The following ATF2 variants were observed in gnomAD, a reference collection of about 807,000 sequenced individuals.
The protein encoded by ATF2 is activating transcription factor 2.
ATF2 carries 24 observed loss-of-function variants against 60.6 expected under a neutral mutation model. The ratio of observed to expected loss-of-function variants is 0.40; its 90% CI spans 0.29 to 0.56. The LOEUF is 0.56. Among genes scored for constraint, ATF2 ranks in the 20% least tolerant of loss-of-function variants. The pLI is 0.54. For synonymous variants in ATF2, 206 were observed against 215.4 expected, an observed-to-expected ratio of 0.96 and a Z score of 0.38; for missense variants, 433 against 607.7, an observed-to-expected ratio of 0.71 and a Z score of 3.02.
At chr2:175,137,488 T>C (rs1365344327) in intron 2 of ATF2, among the ~76,000 whole-genome samples, 3 of 152,182 alleles carry the variant, frequency 2.0e-5, no homozygotes, top group Non-Finnish European at 2.9e-5. Flanking sequence ...TAGCTCAGTT[T>C]AGTACAAGGA....
In ATF2 at chr2:175,072,685, A is replaced by G. The variant is rs778495459; in HGVS notation, c.*1924T>C. The G allele has an allele frequency of 1.3e-5, 2 of 152,162 alleles. No homozygotes were observed. Among genetic ancestry groups the G allele is most frequent in the Non-Finnish European group, 2.9e-5 (2 of 67,996 alleles). The allele number at this position is 152,162 out of a possible 1,614,324, so 9.4% of individuals were successfully genotyped here. A position where few individuals can be genotyped will look rare whatever the true frequency, so the allele number is the denominator to read the frequency against. On this transcript the variant is annotated 3_prime_UTR_variant, in exon 14 of 14. Coordinates refer to ENST00000264110, the MANE Select transcript of ATF2 (RefSeq NM_001880.4). ...AAAAAATAGCCTTCTTGCAGAATTC[A>G]TATTTTGTGCCTTTGAGATAACTCC... is the stretch of plus-strand genomic sequence containing the variant.
At position 175,151,978 on chromosome 2, in the gene ATF2, T is replaced by A. The variant is rs570315684; in HGVS notation, c.-142-820A>T. ...TTTCAGAAATTTCACAGGAAACTTT[T>A]ATTTACATTTCATGGCTTAGAACTT... On this transcript the variant is annotated intron_variant, in intron 1 of 13. Transcript: ENST00000264110. 3.7e-4 allele frequency among the ~76,000 whole-genome samples: 56 copies of A among 152,346 alleles called. No homozygotes were observed. In the South Asian group the frequency reaches 9.5e-3, roughly 26 times the overall value.
rs1694698013 is a variant in ATF2 at position 175,093,575 on chromosome 2, A to C, written c.979-308T>G. Among the ~76,000 whole-genome samples the C allele has an allele frequency of 1.3e-5, 2 of 152,196 alleles. 1 individual carries two copies. Among genetic ancestry groups the C allele is most frequent in the Non-Finnish European group, 2.9e-5 (2 of 68,026 alleles). ...AAAATACAATACAAATGATATATAGAAATATTTTTCCAAGTATATTTTAAC... is the reference window on the plus strand; with the variant it reads ...AAAATACAATACAAATGATATATAGCAATATTTTTCCAAGTATATTTTAAC... On this transcript the variant is annotated intron_variant, in intron 11 of 13. Coordinates refer to ENST00000264110, the MANE Select transcript of ATF2 (RefSeq NM_001880.4).
chr2:175,149,524 A>C (rs552103066), intron 2 of ATF2, among the ~76,000 whole-genome samples: 56 of 152,240 alleles, frequency 3.7e-4, no homozygotes, highest in Non-Finnish European at 7.1e-4. Flanking sequence ...AACTGGCAAA[A>C]AATGACAAAA....
intron 12 of ATF2, among the ~76,000 whole-genome samples, chr2:175,085,423 G>A (rs758291849): frequency 7.2e-5 from 11 of 151,952 alleles, no homozygotes; most frequent in Non-Finnish European, 1.6e-4. Flanking sequence ...TAATCCCAGC[G>A]ACTTGGAAGG....
intron 2 of ATF2, among the ~76,000 whole-genome samples, chr2:175,144,667 G>A (rs970590066): frequency 3.3e-5 from 5 of 152,192 alleles, no homozygotes; most frequent in African/African-American, 4.8e-5. Context: ...GATGTCCACT[G>A]GGAGATAGAT....
chr2:175,146,487 G>A (rs1698960590), intron 2 of ATF2, among the ~76,000 whole-genome samples: 1 of 152,266 alleles, frequency 6.6e-6, no homozygotes, highest in Non-Finnish European at 1.5e-5. Flanking sequence ...GAGTTTTGAA[G>A]TAAAAAATAA....
At chr2:175,117,131 C>T (rs1214057848) in intron 7 of ATF2, among the ~76,000 whole-genome samples, 1 of 151,426 alleles carries the variant, frequency 6.6e-6, no homozygotes, top group Non-Finnish European at 1.5e-5. Flanking sequence ...AATTCTTATT[C>T]AATTATGTGC....
intron 10 of ATF2, among the ~76,000 whole-genome samples, chr2:175,101,093 A>G (rs1472304595): frequency 6.6e-6 from 1 of 152,214 alleles, no homozygotes; most frequent in African/African-American, 2.4e-5. Context: ...TTTAGAATCA[A>G]GATAAGATTC....
At chr2:175,149,006 T>G (rs1008198959) in intron 2 of ATF2, among the ~76,000 whole-genome samples, 2 of 152,218 alleles carry the variant, frequency 1.3e-5, no homozygotes, top group African/African-American at 4.8e-5. Context: ...GGTTGTGTCA[T>G]TAGCCACTGG....
At chr2:175,081,373 A>C (rs1378636894) in intron 12 of ATF2, among the ~76,000 whole-genome samples, 1 of 152,228 alleles carries the variant, frequency 6.6e-6, no homozygotes, top group African/African-American at 2.4e-5. Context: ...ATCTAAATTT[A>C]AATCTGCTAA....
chr2:175,104,247 T>C (rs1386750786), intron 10 of ATF2, among the ~76,000 whole-genome samples: 1 of 152,204 alleles, frequency 6.6e-6, no homozygotes, highest in African/African-American at 2.4e-5. Context: ...TCCAATCCCA[T>C]TATTTTTAAC....
At chr2:175,128,476 G>C (rs1449044304) in intron 4 of ATF2, among the ~76,000 whole-genome samples, 3 of 151,222 alleles carry the variant, frequency 2.0e-5, no homozygotes, top group African/African-American at 7.3e-5. Flanking sequence ...CTCCTGCCTA[G>C]GCAACAAGAG....
At chr2:175,089,437 T>A (rs990296250) in intron 12 of ATF2, among the ~76,000 whole-genome samples, 31 of 152,212 alleles carry the variant, frequency 2.0e-4, no homozygotes, top group African/African-American at 7.2e-4. Context: ...AAGTAAACTA[T>A]GGGTCATTAC....
intron 10 of ATF2, among the ~76,000 whole-genome samples, chr2:175,110,579 C>A (rs1033228236): frequency 1.3e-5 from 2 of 151,990 alleles, no homozygotes; most frequent in African/African-American, 4.8e-5. Flanking sequence ...TATAACACAG[C>A]AAGGAGAATT....
intron 1 of ATF2, among the ~76,000 whole-genome samples, chr2:175,162,050 C>A (rs1183886862): frequency 1.3e-5 from 2 of 152,140 alleles, no homozygotes; most frequent in Non-Finnish European, 2.9e-5. Flanking sequence ...CATGAGCCAC[C>A]ATGCCCAGCC....
intron 1 of ATF2, among the ~76,000 whole-genome samples, chr2:175,152,593 T>C (rs890611970): frequency 6.6e-6 from 1 of 152,206 alleles, no homozygotes; most frequent in East Asian, 1.9e-4. Context: ...TATTGGGAGA[T>C]TTCCCTATTG....
intron 2 of ATF2, among the ~76,000 whole-genome samples, chr2:175,146,540 C>T (rs192649908): frequency 2.4e-4 from 36 of 152,312 alleles, no homozygotes; most frequent in Middle Eastern, 3.4e-3. Context: ...ATAATATGCA[C>T]TGTAATAATT....
At chr2:175,143,445 C>CA (rs1698736150) in intron 2 of ATF2, among the ~76,000 whole-genome samples, 1 of 152,124 alleles carries the variant, frequency 6.6e-6, no homozygotes, top group Non-Finnish European at 1.5e-5. Context: ...CTTTTATCAT[C>CA]AATGAATATC....
Sources: allele counts gnomAD v4.1 joint callset (sites outside exome capture counted in the v4.1 genomes callset), GRCh38; gene constraint gnomAD v4.1.1; transcripts MANE v1.5; gene names NCBI Gene and HGNC (gene_info 2026-07-23, HGNC 2026-07-21).